Variants in SMYD3 observed in about 807,000 individuals in gnomAD.
SMYD3 encodes histone-lysine N-methyltransferase SMYD3.
A neutral mutation model predicts 57.7 loss-of-function variants in SMYD3; 36 were observed. The observed-to-expected ratio is 0.62, with a 90% CI of 0.48 to 0.82. The LOEUF is 0.82. Among genes scored for constraint, SMYD3 ranks in the 40% least tolerant of loss-of-function variants. The probability of loss-of-function intolerance (pLI) is 0.00; values close to 1 mark genes in which losing one functional copy is unlikely to be tolerated. For synonymous variants in SMYD3, 211 were observed against 195.0 expected (o/e 1.08, Z -0.68); for missense variants, 515 against 538.8 (o/e 0.96, Z 0.44).
chr1:245,796,556 A>C (rs949147094), intron 10 of SMYD3, among the ~76,000 whole-genome samples: 1 of 152,160 alleles, frequency 6.6e-6, no homozygotes, highest in African/African-American at 2.4e-5. Context: ...AATTTCCTAC[A>C]TATTTATGAT....
Position 246,440,733 on chromosome 1 carries a change from TAAAAC to T in SMYD3, c.164+66316_164+66320del, listed in dbSNP as rs751335152. The stretch of plus-strand genomic sequence containing the variant: ...TGATATAGGAGTAGCAAAGGGTAAT[TAAAAC>T]AACCAGCAGCAGCACTGTGAGCTTT... On this transcript the variant is annotated intron_variant, in intron 1 of 11. Transcript: ENST00000490107. 9.2e-5 allele frequency among the ~76,000 whole-genome samples: 14 copies of T among 152,104 alleles called. No homozygotes were observed. In the South Asian group the frequency reaches 1.0e-3, roughly 11 times the overall value.
chr1:246,236,984 T>C (rs569611053), intron 5 of SMYD3, among the ~76,000 whole-genome samples: 2 of 152,336 alleles, frequency 1.3e-5, no homozygotes, highest in East Asian at 3.9e-4. Flanking sequence ...TGGCGTTTAC[T>C]GCACTTTGGG....
intron 5 of SMYD3, among the ~76,000 whole-genome samples, chr1:246,148,055 G>A (rs759053368): frequency 1.2e-4 from 17 of 145,540 alleles, no homozygotes; most frequent in Admixed American, 3.5e-4. Context: ...GGTGGAAGGC[G>A]GCAGTCCCCG....
At chr1:246,220,713 G>A (rs1312710801) in intron 5 of SMYD3, among the ~76,000 whole-genome samples, 1 of 152,198 alleles carries the variant, frequency 6.6e-6, no homozygotes, top group Non-Finnish European at 1.5e-5. Context: ...GAAGGCTGGG[G>A]GCTGGGCTGC....
chr1:246,503,825 T>C (rs1308149969), intron 1 of SMYD3, among the ~76,000 whole-genome samples: 1 of 151,866 alleles, frequency 6.6e-6, no homozygotes, highest in African/African-American at 2.4e-5. Context: ...TAGCCAGGCG[T>C]GGTCTGTAAT....
At chr1:245,913,505 C>G (rs115674625) in intron 8 of SMYD3, among the ~76,000 whole-genome samples, 25,355 of 149,520 alleles carry the variant, frequency 0.17, 2,680 homozygotes, top group East Asian at 0.5. Context: ...AGAACTTAAA[C>G]TATAATTTAA....
rs12039089 is a variant in SMYD3 at position 246,221,515 on chromosome 1, G to A, written c.531+105686C>T. Among the ~76,000 whole-genome samples, 191 of 152,340 alleles carry A rather than the reference G, an allele frequency of 1.3e-3. 3 individuals carry two copies. In the East Asian group the frequency reaches 0.035, roughly 28 times the overall value. ...GGTAGCCCAGACCTGGGAGCTCCCT[G>A]AGCCAGGGCTGTGAGCCCTTCTTTG... On this transcript the variant is annotated intron_variant, in intron 5 of 11. Coordinates refer to ENST00000490107, the MANE Select transcript of SMYD3 (RefSeq NM_001167740.2).
At chr1:246,206,955 A>T (rs1449020024) in intron 5 of SMYD3, among the ~76,000 whole-genome samples, 1 of 152,188 alleles carries the variant, frequency 6.6e-6, no homozygotes, top group Non-Finnish European at 1.5e-5. Flanking sequence ...GCACTGATTC[A>T]CCGAAAGTGA....
At chr1:246,337,822 A>C (rs1456128205) in intron 2 of SMYD3, among the ~76,000 whole-genome samples, 1 of 152,226 alleles carries the variant, frequency 6.6e-6, no homozygotes, top group Non-Finnish European at 1.5e-5. Flanking sequence ...CAGCCTCCTG[A>C]TAGCTTACCA....
chr1:245,763,184 G>A (rs187593425), intron 11 of SMYD3, among the ~76,000 whole-genome samples: 235 of 152,314 alleles, frequency 1.5e-3, no homozygotes, highest in East Asian at 5.0e-3. Context: ...TGCCAGAACC[G>A]TATTCACTGA....
At chr1:245,767,035 G>C (rs1467362947) in intron 10 of SMYD3, among the ~76,000 whole-genome samples, 3 of 152,160 alleles carry the variant, frequency 2.0e-5, no homozygotes, top group African/African-American at 4.8e-5. Flanking sequence ...ATGATTCCTT[G>C]CTGGAGTATA....
chr1:246,276,566 G>A (rs2064337754), intron 5 of SMYD3, among the ~76,000 whole-genome samples: 1 of 151,484 alleles, frequency 6.6e-6, no homozygotes, highest in East Asian at 1.9e-4. Flanking sequence ...GTTTCTAGTG[G>A]AGTCTGATGC....
intron 1 of SMYD3, among the ~76,000 whole-genome samples, chr1:246,444,003 T>G (rs1350883302): frequency 2.0e-5 from 3 of 152,186 alleles, no homozygotes; most frequent in Non-Finnish European, 4.4e-5. Context: ...ATCAACTTGA[T>G]TCTAAAAGAA....
chr1:246,038,751 C>T (rs2059820579), intron 5 of SMYD3, among the ~76,000 whole-genome samples: 1 of 152,182 alleles, frequency 6.6e-6, no homozygotes, highest in Non-Finnish European at 1.5e-5. Context: ...ATTTCCACTT[C>T]ATACTCATTC....
In SMYD3 at chr1:246,045,045, G is replaced by A. The variant is rs556203001; in HGVS notation, c.532-115108C>T. On this transcript the variant is annotated intron_variant, in intron 5 of 11. Transcript: ENST00000490107. ...TAGGAAGACTCAATATTGTGAAAAC[G>A]GACATACTGCCCAAGGTAATTTATA... Among the ~76,000 whole-genome samples, 29 of 152,260 alleles carry A rather than the reference G, an allele frequency of 1.9e-4. No individual in the cohort carries two copies. The South Asian group carries it at 2.5e-3, about 13-fold the overall frequency.
At chr1:245,751,771 A>G (rs1440858861) in intron 11 of SMYD3, among the ~76,000 whole-genome samples, 2 of 152,138 alleles carry the variant, frequency 1.3e-5, no homozygotes, top group African/African-American at 4.8e-5. Flanking sequence ...AGGTGGCTGG[A>G]GCTGAGATGC....
At chr1:246,363,564 T>A (rs1487248435) in intron 1 of SMYD3, among the ~76,000 whole-genome samples, 2 of 152,248 alleles carry the variant, frequency 1.3e-5, no homozygotes, top group Non-Finnish European at 2.9e-5. Context: ...CTTTTCATTT[T>A]GTTCTGTACT....
rs549469690 is a variant in SMYD3, at chr1:246,173,823, C to T, written c.531+153378G>A. On this transcript the variant is annotated intron_variant, in intron 5 of 11. Transcript: ENST00000490107. ...GTTAATTTTTTAATGCTTTTTTTTT[C>T]TGAGACAGGGTCTTGCTTTCCTGCC... is the stretch of plus-strand genomic sequence containing the variant. Among the ~76,000 whole-genome samples the T allele has an allele frequency of 1.6e-3, 243 of 151,476 alleles. 1 individual carries two copies. The highest frequency in any genetic ancestry group is 5.4e-3 in the African/African-American group (225 of 41,312).
chr1:246,467,300 G>A (rs1558478316), intron 1 of SMYD3, among the ~76,000 whole-genome samples: 1 of 152,104 alleles, frequency 6.6e-6, no homozygotes. Flanking sequence ...ACATACTTTA[G>A]GATGCTACCT....
Sources: gnomAD v4.1 joint callset for allele counts (sites outside exome capture counted in the v4.1 genomes callset) on GRCh38, gnomAD v4.1.1 for gene constraint, MANE v1.5 for transcripts, NCBI Gene and HGNC (gene_info 2026-07-23, HGNC 2026-07-21) for gene names.